Variants in GDPGP1 observed in about 807,000 individuals in gnomAD.
GDPGP1 encodes the protein GDP-D-glucose phosphorylase C15orf58.
In GDPGP1, 18 loss-of-function variants were observed where a neutral mutation model predicts 19.2. The observed-to-expected ratio is 0.94, with a 90% CI of 0.65 to 1.39. The LOEUF is 1.39. Among genes scored for constraint, GDPGP1 ranks in the 40% most tolerant of loss-of-function variants. GDPGP1 has a pLI of 0.00. For synonymous variants in GDPGP1, 219 were observed against 208.9 expected (o/e 1.05, Z -0.42); for missense variants, 449 against 490.5 (o/e 0.92, Z 0.80).
rs1424242772 is a variant in GDPGP1 at position 90,244,098 on chromosome 15, C to G, written c.*2032C>G. 6.6e-6 allele frequency: 1 copy of G among 152,178 alleles called. No homozygotes were observed. The highest frequency in any genetic ancestry group is 1.5e-5 in the Non-Finnish European group (1 of 68,062). 9.4% of individuals were successfully genotyped at this position (152,178 alleles called of 1,614,324 possible). ...CCATTCAAAACGGGATGGAGACTGA[C>G]AGTTTGTACTTTGTTCAAGGTCAGG... On this transcript the variant is annotated 3_prime_UTR_variant, in exon 4 of 4. Coordinates refer to ENST00000329600, the MANE Select transcript of GDPGP1 (RefSeq NM_001013657.3).
At chr15:90,240,479 G>C (rs973092638) in intron 3 of GDPGP1, among the ~76,000 whole-genome samples, 1 of 151,482 alleles carries the variant, frequency 6.6e-6, no homozygotes, top group African/African-American at 2.4e-5. Flanking sequence ...CTGCCCTCTA[G>C]CCTGGGCAAC....
chr15:90,240,958 A>G lies in GDPGP1; in HGVS notation c.50A>G (p.Asn17Ser). 4 of 1,614,126 alleles carry G rather than the reference A, an allele frequency of 2.5e-6. No individual in the cohort carries two copies. The highest frequency in any genetic ancestry group is 1.6e-4 in the Middle Eastern group (1 of 6,062). The change falls in exon 4 of 4, where the codon AAC becomes AGC. Residue 17 changes from asparagine to serine, a missense_variant. Asn to Ser is a conservative substitution (Grantham distance 46, BLOSUM62 1). Transcript: ENST00000329600. Reference protein sequence around the residue: ...SNETSYLLPPNNEDWGRQTIP... With the variant: ...SNETSYLLPPSNEDWGRQTIP... ...GAAACTTCCTATTTGCTGCCTCCCA[A>G]CAATGAGGACTGGGGCAGGCAAACC... is the stretch of plus-strand genomic sequence containing the variant.
chr15:90,237,194 C>G (rs145254265), intron 2 of GDPGP1, among the ~76,000 whole-genome samples: 3,669 of 151,912 alleles, frequency 0.024, 141 homozygotes, highest in African/African-American at 0.08. Flanking sequence ...CTCCTGACCT[C>G]GTGATCCACC....
Position 90,245,484 on chromosome 15 carries a change from A to AAAG in GDPGP1, c.*3420_*3421insGAA, listed in dbSNP as rs1044931160. The AAAG allele has an allele frequency of 6.6e-6, 1 of 151,720 alleles. No individual in the cohort carries two copies. Among genetic ancestry groups the AAAG allele is most frequent in the African/African-American group, 2.4e-5 (1 of 41,322 alleles). The allele number at this position is 151,720 out of a possible 1,614,324, so 9.4% of individuals were successfully genotyped here. ...AGAGACTTTGTCTCAAAAAAAAAAA[A>AAAG]AAAGAAAAAAACAGTTTACCATTCT... On this transcript the variant is annotated 3_prime_UTR_variant, in exon 4 of 4. Transcript: ENST00000329600.
chr15:90,238,857 T>C (rs1962688829), intron 3 of GDPGP1, among the ~76,000 whole-genome samples: 1 of 152,154 alleles, frequency 6.6e-6, no homozygotes, highest in Admixed American at 6.6e-5. Context: ...AGTTTGATGG[T>C]GTGTATAAAA....
At chr15:90,235,758 C>T (rs1962621973) in intron 2 of GDPGP1, among the ~76,000 whole-genome samples, 3 of 151,862 alleles carry the variant, frequency 2.0e-5, no homozygotes, top group South Asian at 4.2e-4. Flanking sequence ...TTGGTAGAGA[C>T]GGGGTTTCAC....
intron 2 of GDPGP1, among the ~76,000 whole-genome samples, chr15:90,235,320 C>T (rs1320494963): frequency 6.6e-6 from 1 of 152,174 alleles, no homozygotes; most frequent in African/African-American, 2.4e-5. Flanking sequence ...AATCTCAGCA[C>T]TTTGGGAGGC....
Position 90,236,425 on chromosome 15 carries a change from C to T in GDPGP1, c.-67+1829C>T, listed in dbSNP as rs544888776. On this transcript the variant is annotated intron_variant, in intron 2 of 3. Coordinates refer to ENST00000329600, the MANE Select transcript of GDPGP1 (RefSeq NM_001013657.3). The stretch of plus-strand genomic sequence containing the variant: ...TAGATCTCTCAGTCACTTCACTTGG[C>T]TCTGAACCCTTCATGGAACAACCTT... Among the ~76,000 whole-genome samples, 31 of 152,356 alleles carry T rather than the reference C, an allele frequency of 2.0e-4. 1 individual carries two copies. In the South Asian group the frequency reaches 6.4e-3, roughly 32 times the overall value.
Position 90,241,980 on chromosome 15 carries a change from C to G in GDPGP1, c.1072C>G (p.Leu358Val), listed in dbSNP as rs1425780797. The change falls in exon 4 of 4, where the codon CTC (leucine) becomes GTC (valine). Residue 358 changes from leucine (L) to valine (V), a missense_variant. By Grantham distance (32) the Leu-to-Val change is conservative. Transcript: ENST00000329600. ...CCTGACAGAGGCAGCTGCTGTGGCCCTCATTCAGGACTGTCGGCTGCCCCC... is the reference window on the plus strand; with the variant it reads ...CCTGACAGAGGCAGCTGCTGTGGCCGTCATTCAGGACTGTCGGCTGCCCCC... ...SSLTEAAAVA[L>V]IQDCRLPPSQ... The G allele has an allele frequency of 1.1e-5, 18 of 1,614,192 alleles. No individual in the cohort carries two copies. The highest frequency in any genetic ancestry group is 1.5e-5 in the Non-Finnish European group (18 of 1,180,042).
rs7173922 is a variant in GDPGP1, at chr15:90,243,754, A to C, written c.*1688A>C. The C allele has an allele frequency of 2.1e-5, 3 of 146,278 alleles. No homozygotes were observed. Among genetic ancestry groups the C allele is most frequent in the African/African-American group, 7.8e-5 (3 of 38,226 alleles). The allele number at this position is 146,278 out of a possible 1,614,324, so 9.1% of individuals were successfully genotyped here. A position where few individuals can be genotyped will look rare whatever the true frequency, so the allele number is the denominator to read the frequency against. On this transcript the variant is annotated 3_prime_UTR_variant, in exon 4 of 4. Transcript: ENST00000329600. ...AGCTTCAACCTCCTGGGCTCAAACA[A>C]TACTCCCATCTCAGCCTCCCTAGTA...
At chr15:90,237,413 C>A (rs1368564927) in intron 2 of GDPGP1, among the ~76,000 whole-genome samples, 4 of 150,858 alleles carry the variant, frequency 2.7e-5, no homozygotes, top group Non-Finnish European at 2.9e-5. Context: ...TCCCAAGTAG[C>A]TGGGACTACA....
At position 90,242,125 on chromosome 15, in the gene GDPGP1, G is replaced by A. The variant is rs1004917645; in HGVS notation, c.*59G>A. ...TTCTTTTGAGATAGGGTCTCACTCT[G>A]TCCCCAGGCTAGAGTGTAGTGGTAT... On this transcript the variant is annotated 3_prime_UTR_variant, in exon 4 of 4. Transcript: ENST00000329600. 1 of 1,375,134 alleles carries A rather than the reference G, an allele frequency of 7.3e-7. No individual in the cohort carries two copies. Among genetic ancestry groups the A allele is most frequent in the Non-Finnish European group, 1.0e-6 (1 of 1,004,292 alleles). 85.2% of individuals were successfully genotyped at this position (1,375,134 alleles called of 1,614,324 possible). A position where few individuals can be genotyped will look rare whatever the true frequency, so the allele number is the denominator to read the frequency against.
At chr15:90,239,305 A>ATGTG (rs4031525) in intron 3 of GDPGP1, among the ~76,000 whole-genome samples, 9,167 of 147,912 alleles carry the variant, frequency 0.062, 291 homozygotes, top group Non-Finnish European at 0.075. Context: ...GAGACATAAA[A>ATGTG]TGTGTGTGTG....
At position 90,234,766 on chromosome 15, in the gene GDPGP1, A is replaced by T. The variant is rs567590729; in HGVS notation, c.-67+170A>T. ...CCTGCCGTCCTTTTGACTCCATCTC[A>T]CCCCTAGACTGCTGACCCTTTGCTC... On this transcript the variant is annotated intron_variant, in intron 2 of 3. Transcript: ENST00000329600. Among the ~76,000 whole-genome samples, 115 of 151,808 alleles carry T rather than the reference A, an allele frequency of 7.6e-4. 2 individuals are homozygous for T. In the South Asian group the frequency reaches 0.011, roughly 15 times the overall value.
chr15:90,235,356 A>G (rs768856532), intron 2 of GDPGP1, among the ~76,000 whole-genome samples: 5 of 152,134 alleles, frequency 3.3e-5, no homozygotes, highest in Non-Finnish European at 7.4e-5. Context: ...ATTTGAGGCC[A>G]GGAGTTCAAG....
rs760763895 is a variant in GDPGP1 at position 90,241,789 on chromosome 15, G to A, written c.881G>A (p.Gly294Glu). Reference sequence around the variant, plus strand: ...GCTCATAACTTGTTTGTCACCCGGGGAGCTCCGCCGGGAAAGACATCACCT... The same window carrying A: ...GCTCATAACTTGTTTGTCACCCGGGAAGCTCCGCCGGGAAAGACATCACCT... ...EIAHNLFVTR[G>E]APPGKTSPSS... Residue 294 changes from glycine to glutamate, a missense_variant, in exon 4 of 4, where the codon GGA (glycine) becomes GAA (glutamate). By Grantham distance (98) the Gly-to-Glu change is moderately conservative. Coordinates refer to ENST00000329600, the MANE Select transcript of GDPGP1 (RefSeq NM_001013657.3). 7.4e-6 allele frequency: 12 copies of A among 1,614,118 alleles called. No individual in the cohort carries two copies. The South Asian group carries it at 1.2e-4, about 16-fold the overall frequency.
At position 90,241,657 on chromosome 15, in the gene GDPGP1, T is replaced by C; in HGVS notation, c.749T>C (p.Leu250Pro). The C allele has an allele frequency of 6.2e-7, 1 of 1,614,190 alleles. No individual in the cohort carries two copies. Among genetic ancestry groups the C allele is most frequent in the Non-Finnish European group, 8.5e-7 (1 of 1,180,026 alleles). ...PGGHLHLLQD[L>P]PAPGFLFYTR... ...GGCCATTTGCATCTGCTCCAGGACCTCCCAGCTCCTGGCTTCCTCTTTTAC... is the reference window on the plus strand; with the variant it reads ...GGCCATTTGCATCTGCTCCAGGACCCCCCAGCTCCTGGCTTCCTCTTTTAC... The change falls in exon 4 of 4, where the codon CTC (leucine) becomes CCC (proline). Residue 250 changes from leucine to proline, a missense_variant. Physicochemically the swap from Leu to Pro is moderately conservative, Grantham distance 98. Transcript: ENST00000329600.
At chr15:90,239,919 T>C (rs1962714751) in intron 3 of GDPGP1, among the ~76,000 whole-genome samples, 1 of 148,506 alleles carries the variant, frequency 6.7e-6, no homozygotes, top group Admixed American at 6.7e-5. Flanking sequence ...AGTGAGAACC[T>C]GTTTCAAAAT....
chr15:90,237,266 T>C (rs1212439145), intron 2 of GDPGP1, among the ~76,000 whole-genome samples: 1 of 146,416 alleles, frequency 6.8e-6, no homozygotes, highest in East Asian at 2.0e-4. Context: ...GACTTTATTG[T>C]AATTTTCTTT....
Sources: gnomAD v4.1 joint callset for allele counts (sites outside exome capture counted in the v4.1 genomes callset) on GRCh38, gnomAD v4.1.1 for gene constraint, MANE v1.5 for transcripts, NCBI Gene and HGNC (gene_info 2026-07-23, HGNC 2026-07-21) for gene names.